Variants in FAM161A observed in about 807,000 individuals in gnomAD.
FAM161A encodes the protein protein FAM161A.
A neutral mutation model predicts 70.9 loss-of-function variants in FAM161A; 57 were observed. The ratio of observed to expected loss-of-function variants is 0.80; its 90% CI spans 0.65 to 1.00. The LOEUF (loss-of-function observed/expected upper bound fraction) is 1.00. Among genes scored for constraint, FAM161A ranks in the 50% least tolerant of loss-of-function variants. FAM161A has a pLI of 0.00. For synonymous variants in FAM161A, 299 were observed against 295.7 expected (o/e 1.01, Z -0.12); for missense variants, 880 against 836.0 (o/e 1.05, Z -0.65).
chr2:61,803,277 C>A, the FAM161A span: 1 of 625,954 alleles, frequency 1.6e-6, no homozygotes, highest in Non-Finnish European at 3.0e-6. Context: ...CTGGTGGTGG[C>A]TTTGGCATGA....
At chr2:61,848,282 C>T (rs1287264671) in intron 1 of FAM161A, among the ~76,000 whole-genome samples, 2 of 152,232 alleles carry the variant, frequency 1.3e-5, no homozygotes, top group Admixed American at 6.5e-5. Context: ...TGCACTGGAT[C>T]CATTCTGTTT....
In FAM161A at chr2:61,825,738, T is replaced by C. The variant is rs368914904; in HGVS notation, c.*717A>G. 4 of 413,210 alleles carry C rather than the reference T, an allele frequency of 9.7e-6. No homozygotes were observed. The highest frequency in any genetic ancestry group is 1.4e-4 in the East Asian group (2 of 14,160). The allele number at this position is 413,210 out of a possible 1,614,324, so 25.6% of individuals were successfully genotyped here. ...CTGCAAGCTCTGCCTCCTGGGTTCA[T>C]GCCATTCTCCTGCCTCTGCCTCCCA... On this transcript the variant is annotated 3_prime_UTR_variant, in exon 7 of 7. Transcript: ENST00000404929.
chr2:61,852,071 G>GC (rs1673516777), intron 1 of FAM161A, among the ~76,000 whole-genome samples: 1 of 152,050 alleles, frequency 6.6e-6, no homozygotes, highest in Admixed American at 6.6e-5. Context: ...CCCAGCCTGT[G>GC]CCCCCTGGCT....
At chr2:61,803,087 A>G in the FAM161A span, 2 of 390,654 alleles carry the variant, frequency 5.1e-6, no homozygotes, top group South Asian at 4.6e-5. Context: ...AACACATAGG[A>G]TAGGACACAG....
chr2:61,848,409 T>C (rs1223935158), intron 1 of FAM161A, among the ~76,000 whole-genome samples: 1 of 152,156 alleles, frequency 6.6e-6, no homozygotes, highest in Admixed American at 6.6e-5. Flanking sequence ...TAATCTTTAA[T>C]TGTCTCCACT....
At chr2:61,814,871 C>T in the FAM161A span, among the ~76,000 whole-genome samples, 4 of 152,168 alleles carry the variant, frequency 2.6e-5, no homozygotes, top group Non-Finnish European at 5.9e-5. Flanking sequence ...AGTTTTTCAG[C>T]CAGAGGCTAA....
At position 61,836,075 on chromosome 2, in the gene FAM161A, G is replaced by C. The variant is rs267606793; in HGVS notation, c.1786C>G (p.Arg596Gly). ...SEKERMREYQ[R>G]ELEEREEKLK... The stretch of plus-strand genomic sequence containing the variant: ...TTTTCTTCTCTTTCTTCTAGTTCTC[G>C]TTGGTATTCTCTCATCCTTTCCTTT... Residue 596 changes from arginine to glycine, a missense_variant, in exon 5 of 7, where the codon CGA becomes GGA. Arg to Gly is a moderately radical substitution (Grantham distance 125). Transcript: ENST00000404929. 1 of 1,609,272 alleles carries C rather than the reference G, an allele frequency of 6.2e-7. No homozygotes were observed. The highest frequency in any genetic ancestry group is 1.3e-5 in the African/African-American group (1 of 74,204).
chr2:61,806,075 G>A, the FAM161A span, among the ~76,000 whole-genome samples: 1 of 152,046 alleles, frequency 6.6e-6, no homozygotes, highest in African/African-American at 2.4e-5. Context: ...AAAATTAGCC[G>A]GGTGTGGTGG....
At chr2:61,823,363 ATATATATATATAT>A (rs1672250463), downstream of FAM161A, among the ~76,000 whole-genome samples, 1 of 2,120 alleles carries the variant, frequency 4.7e-4, no homozygotes, top group Non-Finnish European at 8.7e-4. Flanking sequence ...ATTTTCCATC[ATATATATATATAT>A]ATATATATAT....
chr2:61,843,748 T>G (rs1019958273), intron 1 of FAM161A, among the ~76,000 whole-genome samples: 2 of 152,196 alleles, frequency 1.3e-5, no homozygotes, highest in African/African-American at 2.4e-5. Context: ...CACTGGAGGC[T>G]TCTCAGAAGA....
At chr2:61,820,614 T>C (rs1370751379), downstream of FAM161A, 1 of 645,950 alleles carries the variant, frequency 1.5e-6, no homozygotes. Context: ...TAAGGGGTTA[T>C]TCTTTTTTGT....
chr2:61,831,088 G>A (rs1167859036), intron 5 of FAM161A, among the ~76,000 whole-genome samples: 1 of 148,214 alleles, frequency 6.7e-6, no homozygotes, highest in Non-Finnish European at 1.5e-5. Flanking sequence ...CTCCAGCCTG[G>A]GTGACAGAGT....
intron 3 of FAM161A, among the ~76,000 whole-genome samples, chr2:61,839,169 C>T (rs1672898543): frequency 6.6e-6 from 1 of 152,050 alleles, no homozygotes; most frequent in Non-Finnish European, 1.5e-5. Context: ...AGGTGTAAGC[C>T]ACTGTGCCCA....
the FAM161A span, among the ~76,000 whole-genome samples, chr2:61,815,814 G>C: frequency 6.6e-6 from 1 of 151,796 alleles, no homozygotes; most frequent in African/African-American, 2.4e-5. Context: ...GCCTCCCAAA[G>C]TGCTGGGATT....
At chr2:61,828,270 GTATAAAGATATCTGA>G (rs1672447895) in intron 5 of FAM161A, among the ~76,000 whole-genome samples, 1 of 116,104 alleles carries the variant, frequency 8.6e-6, no homozygotes, top group Non-Finnish European at 1.8e-5. Context: ...TTTTATGACT[GTATAAAGATATCTGA>G]AAAAAAAAAA....
chr2:61,823,362 C>CATATATAT (rs59631970), downstream of FAM161A, among the ~76,000 whole-genome samples: 103 of 120,046 alleles, frequency 8.6e-4, 4 homozygotes, highest in East Asian at 0.015. Flanking sequence ...AATTTTCCAT[C>CATATATAT]ATATATATAT....
intron 5 of FAM161A, among the ~76,000 whole-genome samples, chr2:61,834,994 T>A (rs1167177019): frequency 6.6e-6 from 1 of 152,106 alleles, no homozygotes; most frequent in Non-Finnish European, 1.5e-5. Flanking sequence ...AATAAAGATG[T>A]TAAAAAAATC....
At chr2:61,821,045 CT>C (rs988089492), downstream of FAM161A, among the ~76,000 whole-genome samples, 3 of 150,570 alleles carry the variant, frequency 2.0e-5, no homozygotes, top group Non-Finnish European at 3.0e-5. Context: ...TATGCCTTGA[CT>C]TTTTTTTTCT....
At chr2:61,811,505 C>T in the FAM161A span, among the ~76,000 whole-genome samples, 2 of 152,080 alleles carry the variant, frequency 1.3e-5, no homozygotes, top group African/African-American at 4.8e-5. Flanking sequence ...TCCCAGGTAG[C>T]TGCGATTACA....
Sources: allele counts gnomAD v4.1 joint callset (sites outside exome capture counted in the v4.1 genomes callset), GRCh38; gene constraint gnomAD v4.1.1; transcripts MANE v1.5; gene names NCBI Gene and HGNC (gene_info 2026-07-23, HGNC 2026-07-21).